The following RAB12 variants were observed in gnomAD, a reference collection of about 807,000 sequenced individuals.
The protein encoded by RAB12 is ras-related protein Rab-12.
Under a neutral mutation model 28.4 loss-of-function variants are expected in RAB12, and 11 were observed. The observed-to-expected ratio is 0.39, with a 90% CI of 0.24 to 0.64. RAB12 has a LOEUF of 0.64. RAB12 is among the 30% of genes least tolerant of loss of function. The pLI, the probability that RAB12 is intolerant of heterozygous loss-of-function variation, is 0.50. For missense variants in RAB12, 276 were observed against 351.1 expected (o/e 0.79, Z 1.71); for synonymous variants, 138 against 145.3 (o/e 0.95, Z 0.36).
chr18:8,636,167 C>T (rs766425347), intron 4 of RAB12, 86 bp from the exon 5 acceptor site: 4 of 847,672 alleles, frequency 4.7e-6, no homozygotes, highest in Admixed American at 1.9e-5. Flanking sequence ...CCAGCCCTTC[C>T]CTTGAAGCTG....
chr18:8,616,652 C>G (rs939462087), intron 1 of RAB12, among the ~76,000 whole-genome samples: 134 of 151,532 alleles, frequency 8.8e-4, no homozygotes, highest in African/African-American at 3.2e-3. Flanking sequence ...ACACACTTGT[C>G]GATTGGCTAA....
intron 1 of RAB12, among the ~76,000 whole-genome samples, chr18:8,614,524 A>AT (rs2096005680): frequency 6.6e-6 from 1 of 151,682 alleles, no homozygotes; most frequent in East Asian, 1.9e-4. Flanking sequence ...AAAAAGAAAA[A>AT]AAAAAGACTT....
intron 1 of RAB12, among the ~76,000 whole-genome samples, chr18:8,623,984 A>G (rs1442653848): frequency 6.6e-6 from 1 of 152,208 alleles, no homozygotes; most frequent in Non-Finnish European, 1.5e-5. Flanking sequence ...GCAGCACCTC[A>G]TTGGTGCCCA....
intron 4 of RAB12, 105 bp from the exon 5 acceptor site, chr18:8,636,148 C>T: frequency 1.4e-6 from 1 of 736,204 alleles, no homozygotes; most frequent in South Asian, 1.5e-5. Flanking sequence ...GACTTTCTAC[C>T]CCTTAATCCC....
At chr18:8,636,221 C>T (rs887211416) in intron 4 of RAB12, 32 bp from the exon 5 acceptor site, 52 of 1,487,562 alleles carry the variant, frequency 3.5e-5, no homozygotes, top group Non-Finnish European at 4.6e-5. Flanking sequence ...TGAGGCCCCA[C>T]ACAGAGGAAA....
At chr18:8,626,489 G>C (rs1343417542) in intron 2 of RAB12, among the ~76,000 whole-genome samples, 1 of 152,176 alleles carries the variant, frequency 6.6e-6, no homozygotes, top group Non-Finnish European at 1.5e-5. Flanking sequence ...CTTCATCTTT[G>C]GCGGCAGTAT....
intron 2 of RAB12, 119 bp from the exon 3 acceptor site, chr18:8,633,070 G>T (rs2096016923): frequency 1.6e-6 from 2 of 1,232,490 alleles, no homozygotes; most frequent in Non-Finnish European, 2.4e-6. Context: ...GGGAAATAGG[G>T]GTTACTCTCG....
At chr18:8,619,009 G>A (rs530209200) in intron 1 of RAB12, among the ~76,000 whole-genome samples, 94 of 152,186 alleles carry the variant, frequency 6.2e-4, no homozygotes, top group Non-Finnish European at 1.1e-3. Context: ...CAATCCCTTA[G>A]TAGAATATTA....
rs1598305500 is a variant in RAB12 at position 8,609,668 on chromosome 18, G to T, written c.229G>T (p.Ala77Ser). 1.1e-6 allele frequency: 1 copy of T among 887,136 alleles called. No individual in the cohort carries two copies. The highest frequency in any genetic ancestry group is 1.2e-4 in the East Asian group (1 of 8,160). 55.0% of individuals were successfully genotyped at this position (887,136 alleles called of 1,614,324 possible). A position where few individuals can be genotyped will look rare whatever the true frequency, so the allele number is the denominator to read the frequency against. Residue 77 changes from alanine to serine, a missense_variant, in exon 1 of 6, where the codon GCG becomes TCG. Physicochemically the swap from Ala to Ser is moderately conservative, Grantham distance 99. Around this residue, in one of 4 missense-constraint regions of RAB12, gnomAD observed 72 missense variants for 55.5 expected, o/e 1.30. Coordinates refer to ENST00000649141, the MANE Select transcript of RAB12 (RefSeq NM_001025300.3). ...GGCCGAGGGGGCGCCGGGGCCCGGG[G>T]CGCGCAGCCGGGGGGCGGGCGGCGG... ...AEAEGAPGPG[A>S]RSRGAGGGGR...
intron 1 of RAB12, among the ~76,000 whole-genome samples, chr18:8,621,046 G>A (rs753289113): frequency 5.5e-4 from 84 of 152,332 alleles, no homozygotes; most frequent in Non-Finnish European, 5.4e-4. Context: ...AGTGGTGGGG[G>A]CTCGTTGCTT....
At position 8,609,852 on chromosome 18, in the gene RAB12, A is replaced by G. The variant is rs759242627; in HGVS notation, c.413A>G (p.Lys138Arg). ...CAGCCCCCCAGGCCGGCCGACTTCAAGTTGCAGGTCATCATTATCGGCTCC... is the reference window on the plus strand; with the variant it reads ...CAGCCCCCCAGGCCGGCCGACTTCAGGTTGCAGGTCATCATTATCGGCTCC... ...RKQPPRPADF[K>R]LQVIIIGSRG... The change falls in exon 1 of 6, where the codon AAG becomes AGG. Residue 138 changes from lysine to arginine, a missense_variant. Coordinates refer to ENST00000649141, the MANE Select transcript of RAB12 (RefSeq NM_001025300.3). 6.3e-7 allele frequency: 1 copy of G among 1,588,358 alleles called. No individual in the cohort carries two copies. Among genetic ancestry groups the G allele is most frequent in the Non-Finnish European group, 8.6e-7 (1 of 1,169,344 alleles).
chr18:8,622,420 C>T (rs780235015), intron 1 of RAB12, among the ~76,000 whole-genome samples: 6 of 152,170 alleles, frequency 3.9e-5, no homozygotes, highest in Non-Finnish European at 8.8e-5. Context: ...TAAAGCTGGG[C>T]ATCCAGGGGA....
intron 1 of RAB12, among the ~76,000 whole-genome samples, chr18:8,623,225 T>G (rs1465495767): frequency 6.6e-6 from 1 of 152,166 alleles, no homozygotes. Context: ...CTTCACAATT[T>G]ATGTTTAGAG....
chr18:8,637,381 T>C (rs1004270064), intron 5 of RAB12, among the ~76,000 whole-genome samples: 5 of 152,310 alleles, frequency 3.3e-5, no homozygotes, highest in Non-Finnish European at 7.3e-5. Context: ...AATTTATTAA[T>C]GTATTTTTAT....
rs375946297 is a variant in RAB12, at chr18:8,616,152, G to A, written c.514+6199G>A. Among the ~76,000 whole-genome samples, 6 of 152,160 alleles carry A rather than the reference G, an allele frequency of 3.9e-5. No individual in the cohort carries two copies. The East Asian group carries it at 5.8e-4, about 15-fold the overall frequency. ...ATTTATATAAGACACCATCCTGCTC[G>A]ACCTTCCCCTGGGCACAAAGCTCAC... is the stretch of plus-strand genomic sequence containing the variant. On this transcript the variant is annotated intron_variant, in intron 1 of 5. Transcript: ENST00000649141.
intron 2 of RAB12, among the ~76,000 whole-genome samples, chr18:8,630,883 T>A (rs1440237069): frequency 7.0e-6 from 1 of 142,750 alleles, no homozygotes; most frequent in Non-Finnish European, 1.5e-5. Context: ...CTGGTTTGTT[T>A]TTGTTTTTGT....
chr18:8,638,324 G>T lies in RAB12; in HGVS notation c.*62G>T. 7 of 1,134,780 alleles carry T rather than the reference G, an allele frequency of 6.2e-6. No homozygotes were observed. The highest frequency in any genetic ancestry group is 9.3e-6 in the Non-Finnish European group (7 of 754,306). The allele number at this position is 1,134,780 out of a possible 1,614,324, so 70.3% of individuals were successfully genotyped here. A position where few individuals can be genotyped will look rare whatever the true frequency, so the allele number is the denominator to read the frequency against. On this transcript the variant is annotated 3_prime_UTR_variant, in exon 6 of 6. Transcript: ENST00000649141. ...GAAAGGGGAAAAAACGTTCTATTCT[G>T]CACTACAATCATTTTGACAATTTCC...
chr18:8,615,149 T>C (rs1424327464), intron 1 of RAB12, among the ~76,000 whole-genome samples: 5 of 152,150 alleles, frequency 3.3e-5, no homozygotes, highest in African/African-American at 9.7e-5. Flanking sequence ...TCTTTGGACC[T>C]GCGGTTGAGC....
chr18:8,627,590 A>G (rs1273087342), intron 2 of RAB12, among the ~76,000 whole-genome samples: 1 of 152,242 alleles, frequency 6.6e-6, no homozygotes, highest in Non-Finnish European at 1.5e-5. Context: ...AGTAGCTAAA[A>G]TAAAACATGT....
Sources: allele counts gnomAD v4.1 joint callset (sites outside exome capture counted in the v4.1 genomes callset), GRCh38; gene constraint gnomAD v4.1.1; regional missense constraint gnomAD v4.1.1; transcripts MANE v1.5; gene names NCBI Gene and HGNC (gene_info 2026-07-23, HGNC 2026-07-21).